METTL16: variants seen among roughly 807,000 people sequenced by gnomAD.
The protein encoded by METTL16 is RNA N(6)-adenosine-methyltransferase METTL16.
Under a neutral mutation model 57.9 loss-of-function variants are expected in METTL16, and 19 were observed. The observed-to-expected ratio is 0.33, with a 90% CI of 0.23 to 0.48. The LOEUF is 0.48. Among genes scored for constraint, METTL16 ranks in the 20% least tolerant of loss-of-function variants. The pLI is 0.99. For missense variants in METTL16, 434 were observed against 691.5 expected (o/e 0.63, Z 4.18); for synonymous variants, 246 against 255.6 (o/e 0.96, Z 0.36).
At chr17:2,442,883 A>C (rs1212858972) in intron 6 of METTL16, among the ~76,000 whole-genome samples, 1 of 151,658 alleles carries the variant, frequency 6.6e-6, no homozygotes, top group Non-Finnish European at 1.5e-5. Context: ...GCTGGAGTGC[A>C]GTGGTACCAT....
intron 1 of METTL16, among the ~76,000 whole-genome samples, chr17:2,504,762 G>C (rs2067517716): frequency 6.6e-6 from 1 of 151,994 alleles, no homozygotes; most frequent in African/African-American, 2.4e-5. Context: ...TGTAGAGACA[G>C]GGTCTCCCTT....
intron 1 of METTL16, among the ~76,000 whole-genome samples, chr17:2,504,793 G>A (rs901795177): frequency 3.3e-5 from 5 of 151,852 alleles, no homozygotes; most frequent in Non-Finnish European, 7.4e-5. Context: ...ATTGGTTTCC[G>A]ACTCCTGAGC....
chr17:2,441,567 A>G lies in METTL16; in HGVS notation c.729-8T>C, dbSNP rs765381143. On this transcript the variant is annotated splice_polypyrimidine_tract_variant and splice_region_variant and intron_variant, in intron 6 of 9. Transcript: ENST00000263092. ...AGCATGCAGCTATACCATCTAGGAA[A>G]AAAAAAATCAGACAAGTAAATACGG... 25 of 1,545,504 alleles carry G rather than the reference A, an allele frequency of 1.6e-5. No homozygotes were observed. Among genetic ancestry groups the G allele is most frequent in the Non-Finnish European group, 2.1e-5 (24 of 1,144,864 alleles).
chr17:2,452,918 T>C (rs568984308), intron 6 of METTL16, among the ~76,000 whole-genome samples: 7 of 152,264 alleles, frequency 4.6e-5, no homozygotes, highest in African/African-American at 1.7e-4. Flanking sequence ...TGGAGTGCAG[T>C]GGTGCAATCT....
In METTL16 at chr17:2,417,640, C is replaced by A. The variant is rs1283726151; in HGVS notation, c.*2330G>T. 2.0e-5 allele frequency: 3 copies of A among 152,128 alleles called. No homozygotes were observed. Among genetic ancestry groups the A allele is most frequent in the Non-Finnish European group, 4.4e-5 (3 of 68,020 alleles). 9.4% of individuals were successfully genotyped at this position (152,128 alleles called of 1,614,324 possible). On this transcript the variant is annotated 3_prime_UTR_variant, in exon 10 of 10. Coordinates refer to ENST00000263092, the MANE Select transcript of METTL16 (RefSeq NM_024086.4). ...GTAAGATGTTAAATGAACAAAGGACCAGAATACAAAACTGAATACGCAGCA... is the reference window on the plus strand; with the variant it reads ...GTAAGATGTTAAATGAACAAAGGACAAGAATACAAAACTGAATACGCAGCA...
chr17:2,469,973 G>T (rs541076324), intron 4 of METTL16, among the ~76,000 whole-genome samples: 1 of 152,306 alleles, frequency 6.6e-6, no homozygotes, highest in South Asian at 2.1e-4. Flanking sequence ...GTCAATGAGT[G>T]AATACTGAAC....
chr17:2,507,584 T>A (rs1252790994), intron 1 of METTL16, among the ~76,000 whole-genome samples: 13 of 144,438 alleles, frequency 9.0e-5, no homozygotes, highest in South Asian at 2.2e-4. Flanking sequence ...TACTGGGAAG[T>A]GAGGAGCCCC....
chr17:2,487,003 CAAAAAAAAAAAAA>C (rs11397318), intron 2 of METTL16, among the ~76,000 whole-genome samples: 2 of 57,414 alleles, frequency 3.5e-5, no homozygotes, highest in East Asian at 5.7e-4. Context: ...GATCCTGTCT[CAAAAAAAAAAAAA>C]AAAAAAAAAA....
At chr17:2,456,635 C>T (rs2067112685) in intron 6 of METTL16, among the ~76,000 whole-genome samples, 2 of 152,024 alleles carry the variant, frequency 1.3e-5, no homozygotes, top group Non-Finnish European at 2.9e-5. Flanking sequence ...CCACCACACA[C>T]CAGGCTGATT....
At position 2,420,932 on chromosome 17, in the gene METTL16, A is replaced by G; in HGVS notation, c.889-28T>C. 6 of 1,601,116 alleles carry G rather than the reference A, an allele frequency of 3.7e-6. No homozygotes were observed. In the South Asian group the frequency reaches 6.7e-5, roughly 18 times the overall value. On this transcript the variant is annotated intron_variant, in intron 8 of 9. Coordinates refer to ENST00000263092, the MANE Select transcript of METTL16 (RefSeq NM_024086.4). This position sits in a 1 kb window ranked among gnomAD's most constrained non-coding sequence, Gnocchi z 5.4. The stretch of plus-strand genomic sequence containing the variant: ...GCAAGAAAAAGGAAGCATAGAAAAG[A>G]GAAGAAAGTTATCCGAATAATTAAA...
chr17:2,417,441 C>T lies in METTL16; in HGVS notation c.*2529G>A, dbSNP rs2066728602. ...TCCTCCATGACATGAAGCCTTAAAC[C>T]TAGGGACAGAAACACACTGAGACAC... On this transcript the variant is annotated 3_prime_UTR_variant, in exon 10 of 10. Transcript: ENST00000263092. 6.6e-6 allele frequency: 1 copy of T among 152,136 alleles called. No individual in the cohort carries two copies. The highest frequency in any genetic ancestry group is 1.5e-5 in the Non-Finnish European group (1 of 68,038). 9.4% of individuals were successfully genotyped at this position (152,136 alleles called of 1,614,324 possible). A position where few individuals can be genotyped will look rare whatever the true frequency, so the allele number is the denominator to read the frequency against.
rs1048705040 is a variant in METTL16 at position 2,420,084 on chromosome 17, C to T, written c.1575G>A (p.Glu525=). 3 of 1,614,132 alleles carry T rather than the reference C, an allele frequency of 1.9e-6. No homozygotes were observed. Among genetic ancestry groups the T allele is most frequent in the East Asian group, 2.2e-5 (1 of 44,904 alleles). Residue 525 remains glutamate, a synonymous_variant, in exon 10 of 10, where the codon GAG becomes GAA. Coordinates refer to ENST00000263092, the MANE Select transcript of METTL16 (RefSeq NM_024086.4). The surrounding 1 kb of genome is among the most constrained non-coding windows in gnomAD (Gnocchi z 5.4). The part of the protein sequence containing the change: ...LFKCLINVKK[E]VDDALVEMHW... ...GCATCTCCACTAAGGCATCGTCCAC[C>T]TCCTTCTTAACGTTTATCAAACACT...
At chr17:2,505,015 C>G (rs1347186355) in intron 1 of METTL16, among the ~76,000 whole-genome samples, 2 of 151,990 alleles carry the variant, frequency 1.3e-5, no homozygotes, top group African/African-American at 2.4e-5. Context: ...CAAATGAAAA[C>G]GAACATAATT....
At chr17:2,504,548 T>C (rs2067515536) in intron 1 of METTL16, among the ~76,000 whole-genome samples, 1 of 152,070 alleles carries the variant, frequency 6.6e-6, no homozygotes, top group African/African-American at 2.4e-5. Flanking sequence ...TAGTTGTGTT[T>C]TGTTTTGTCT....
chr17:2,448,801 TTAAAAAAAAAAA>T lies in METTL16; in HGVS notation c.729-7254_729-7243del, dbSNP rs2067043415. ...AAAAATAAAAAAATAAAAATAAAAT[TTAAAAAAAAAAA>T]AAAAAAAAAAAAAGAGCATCCTGGC... On this transcript the variant is annotated intron_variant, in intron 6 of 9. Coordinates refer to ENST00000263092, the MANE Select transcript of METTL16 (RefSeq NM_024086.4). 4.2e-5 allele frequency among the ~76,000 whole-genome samples: 2 copies of T among 47,420 alleles called. 1 individual carries two copies. Among genetic ancestry groups the T allele is most frequent in the Non-Finnish European group, 7.2e-5 (2 of 27,636 alleles). 31.1% of individuals were successfully genotyped at this position (47,420 alleles called of 152,430 possible). A position where few individuals can be genotyped will look rare whatever the true frequency, so the allele number is the denominator to read the frequency against.
intron 4 of METTL16, 57 bp from the exon 5 acceptor site, chr17:2,467,933 T>G: frequency 8.3e-7 from 1 of 1,201,972 alleles, no homozygotes; most frequent in Non-Finnish European, 1.2e-6. Flanking sequence ...TTCTAAAGTA[T>G]AACCGCGCAC....
chr17:2,466,757 AT>A (rs1311800403), intron 5 of METTL16, among the ~76,000 whole-genome samples: 4 of 151,666 alleles, frequency 2.6e-5, no homozygotes, highest in South Asian at 4.2e-4. Flanking sequence ...GTGATACTGT[AT>A]TTTTGTATTA....
intron 8 of METTL16, among the ~76,000 whole-genome samples, chr17:2,421,240 G>C (rs937700192): frequency 6.6e-6 from 1 of 152,108 alleles, no homozygotes; most frequent in African/African-American, 2.4e-5. Context: ...CTGTGGTCCC[G>C]GCTACTCTGA....
At chr17:2,447,821 C>T (rs2067020086) in intron 6 of METTL16, among the ~76,000 whole-genome samples, 4 of 107,922 alleles carry the variant, frequency 3.7e-5, no homozygotes, top group Admixed American at 8.1e-5. Flanking sequence ...CAGCCCCCCG[C>T]CTGGCCAGCC....
Sources: allele counts gnomAD v4.1 joint callset (sites outside exome capture counted in the v4.1 genomes callset), GRCh38; gene constraint gnomAD v4.1.1; non-coding constraint Gnocchi (gnomAD v3.1); transcripts MANE v1.5; gene names NCBI Gene and HGNC (gene_info 2026-07-23, HGNC 2026-07-21).